LRP1B: variants seen among roughly 807,000 people sequenced by gnomAD.
LRP1B encodes the protein LDL receptor related protein 1B.
In LRP1B, 217 loss-of-function variants were observed where a neutral mutation model predicts 556.6. The ratio of observed to expected loss-of-function variants is 0.39; its 90% confidence interval spans 0.35 to 0.44. The LOEUF is 0.44. LRP1B is among the 20% of genes least tolerant of loss of function. The pLI, the probability that LRP1B is intolerant of heterozygous loss-of-function variation, is 1.00. For missense variants in LRP1B, 5,053 were observed against 5,620.8 expected, an observed-to-expected ratio of 0.90 and a Z score of 3.23; for synonymous variants, 2,047 against 1,865.8, an observed-to-expected ratio of 1.10 and a Z score of -2.50.
chr2:140,343,726 A>G (rs1681512776), intron 77 of LRP1B, among the ~76,000 whole-genome samples: 1 of 151,712 alleles, frequency 6.6e-6, no homozygotes, highest in Admixed American at 6.6e-5. Flanking sequence ...TAATCAAATG[A>G]TGGTATATCC....
chr2:141,550,797 T>C (rs986946661), intron 2 of LRP1B, among the ~76,000 whole-genome samples: 2 of 152,284 alleles, frequency 1.3e-5, no homozygotes, highest in South Asian at 4.1e-4. Context: ...AATGTTTTCC[T>C]GTATTCATCC....
intron 59 of LRP1B, among the ~76,000 whole-genome samples, chr2:140,478,228 C>A (rs1281576609): frequency 1.4e-5 from 2 of 147,466 alleles, no homozygotes; most frequent in Admixed American, 6.9e-5. Context: ...CGGCTCACTG[C>A]AGCCTCCGCC....
At chr2:140,420,529 T>C (rs1685391949) in intron 66 of LRP1B, among the ~76,000 whole-genome samples, 1 of 152,218 alleles carries the variant, frequency 6.6e-6, no homozygotes, top group African/African-American at 2.4e-5. Flanking sequence ...GTAAAGAAGT[T>C]ATATGTCCAT....
intron 82 of LRP1B, among the ~76,000 whole-genome samples, chr2:140,318,590 T>C (rs560651785): frequency 6.6e-6 from 1 of 152,254 alleles, no homozygotes; most frequent in Admixed American, 6.5e-5. Flanking sequence ...CAAGGTATTG[T>C]GCTAGCCCTT....
intron 3 of LRP1B, among the ~76,000 whole-genome samples, chr2:141,435,269 T>C (rs1559069154): frequency 2.6e-5 from 4 of 152,188 alleles, no homozygotes; most frequent in African/African-American, 9.6e-5. Context: ...TGGATCCAAG[T>C]GTGGCTTTGA....
intron 1 of LRP1B, among the ~76,000 whole-genome samples, chr2:141,907,286 C>T (rs1699782915): frequency 6.6e-6 from 1 of 151,604 alleles, no homozygotes; most frequent in South Asian, 2.1e-4. Flanking sequence ...GAACTCAATT[C>T]TCGGTGATGG....
intron 90 of LRP1B, among the ~76,000 whole-genome samples, chr2:140,234,293 C>G (rs1680600607): frequency 6.6e-6 from 1 of 151,224 alleles, no homozygotes; most frequent in Admixed American, 6.6e-5. Context: ...TTAGACAGAA[C>G]AGCTTTCTCT....
rs747178473 is a variant in LRP1B at position 140,598,708 on chromosome 2, G to A, written c.7117C>T (p.Arg2373Cys). The part of the protein sequence containing the change: ...LTPNGLTIDY[R>C]AEKLYFSDGS... ...TCTGAGAAATACAGCTTCTCTGCACGGTAGTCGATAGTAAGTCCATTTGGA... is the reference window on the plus strand; with the variant it reads ...TCTGAGAAATACAGCTTCTCTGCACAGTAGTCGATAGTAAGTCCATTTGGA... The change falls in exon 43 of 91, where the codon CGT (arginine) becomes TGT (cysteine). Residue 2373 changes from arginine (R) to cysteine (C), a missense_variant. Coordinates refer to ENST00000389484, the MANE Select transcript of LRP1B (RefSeq NM_018557.3). 20 of 1,613,684 alleles carry A rather than the reference G, an allele frequency of 1.2e-5. No individual in the cohort carries two copies. The highest frequency in any genetic ancestry group is 4.4e-5 in the South Asian group (4 of 91,078).
At chr2:141,554,298 TTATA>T (rs200507400) in intron 2 of LRP1B, among the ~76,000 whole-genome samples, 4,032 of 146,508 alleles carry the variant, frequency 0.028, 218 homozygotes, top group African/African-American at 0.092. Context: ...TAGATATAGA[TTATA>T]TATATCTATA....
intron 2 of LRP1B, among the ~76,000 whole-genome samples, chr2:141,619,740 T>C (rs1688435383): frequency 6.6e-6 from 1 of 152,116 alleles, no homozygotes; most frequent in Admixed American, 6.6e-5. Flanking sequence ...AGAGGATAGA[T>C]GATTGGATTC....
Position 140,325,958 on chromosome 2 carries a change from A to ATAAT in LRP1B, c.12224-84_12224-81dup, listed in dbSNP as rs1454386313. The ATAAT allele has an allele frequency of 4.7e-6, 4 of 853,794 alleles. No homozygotes were observed. The Admixed American group carries it at 7.5e-5, about 16-fold the overall frequency. The allele number at this position is 853,794 out of a possible 1,614,324, so 52.9% of individuals were successfully genotyped here. ...AAATCATACTTTTGCTTCTTATTGT[A>ATAAT]TAATTACACTTGACATTTGTCTTCA... On this transcript the variant is annotated intron_variant, in intron 79 of 90. Transcript: ENST00000389484.
At chr2:141,798,812 C>T (rs946381063) in intron 2 of LRP1B, among the ~76,000 whole-genome samples, 11 of 150,272 alleles carry the variant, frequency 7.3e-5, no homozygotes, top group Admixed American at 6.6e-4. Context: ...AAGTCCTAAA[C>T]TTCAGTACCT....
intron 41 of LRP1B, among the ~76,000 whole-genome samples, chr2:140,694,532 G>A (rs974651147): frequency 5.3e-5 from 8 of 152,004 alleles, no homozygotes; most frequent in Admixed American, 5.2e-4. Context: ...TACTTCAATT[G>A]CTGACTTAAT....
chr2:141,123,881 T>C (rs1701129481), intron 7 of LRP1B, among the ~76,000 whole-genome samples: 1 of 152,118 alleles, frequency 6.6e-6, no homozygotes, highest in Non-Finnish European at 1.5e-5. Flanking sequence ...ATAAAATAAA[T>C]GCATTTCCTA....
intron 2 of LRP1B, among the ~76,000 whole-genome samples, chr2:141,532,714 A>C (rs1684929160): frequency 1.3e-5 from 2 of 152,130 alleles, no homozygotes; most frequent in Non-Finnish European, 2.9e-5. Flanking sequence ...GGCTGGGTGC[A>C]GTGGCTCACA....
At chr2:140,811,140 A>G (rs903888702) in intron 32 of LRP1B, among the ~76,000 whole-genome samples, 7 of 152,134 alleles carry the variant, frequency 4.6e-5, no homozygotes, top group Middle Eastern at 3.2e-3. Context: ...ACAGCAATTT[A>G]CTTGTTAAGA....
intron 43 of LRP1B, among the ~76,000 whole-genome samples, chr2:140,556,449 G>T (rs549451298): frequency 1.3e-5 from 2 of 151,820 alleles, no homozygotes; most frequent in Non-Finnish European, 2.9e-5. Flanking sequence ...TAACCCACAC[G>T]GTCCTCCCAT....
In LRP1B at chr2:142,066,442, C is replaced by G. The variant is rs928583291; in HGVS notation, c.82+64206G>C. 3.3e-5 allele frequency among the ~76,000 whole-genome samples: 5 copies of G among 151,504 alleles called. No individual in the cohort carries two copies. The Admixed American group carries it at 3.3e-4, about 10-fold the overall frequency. On this transcript the variant is annotated intron_variant, in intron 1 of 90. Coordinates refer to ENST00000389484, the MANE Select transcript of LRP1B (RefSeq NM_018557.3). ...AGTTCTGCTCTCCTCATAATTGCAGCACACAATTCCTCTAAGTTTCTGCCA... is the reference window on the plus strand; with the variant it reads ...AGTTCTGCTCTCCTCATAATTGCAGGACACAATTCCTCTAAGTTTCTGCCA...
rs781753778 is a variant in LRP1B, at chr2:140,541,818, G to A, written c.7348C>T (p.Pro2450Ser). The A allele has an allele frequency of 6.8e-6, 11 of 1,612,266 alleles. No homozygotes were observed. The highest frequency in any genetic ancestry group is 9.3e-6 in the Non-Finnish European group (11 of 1,178,816). Residue 2450 changes from proline (P) to serine (S), a missense_variant, in exon 44 of 91, where the codon CCA becomes TCA. Pro to Ser is a moderately conservative substitution (Grantham distance 74). Transcript: ENST00000389484. Reference protein sequence around the residue: ...KILRSDIPHQPMGIIAVANDT... With the variant: ...KILRSDIPHQSMGIIAVANDT... ...TTGGCAACAGCTATGATTCCCATTG[G>A]CTGATGTGGAATATCGGAACGAAGA...
Sources: gnomAD v4.1 joint callset for allele counts (sites outside exome capture counted in the v4.1 genomes callset) on GRCh38, gnomAD v4.1.1 for gene constraint, MANE v1.5 for transcripts, NCBI Gene and HGNC (gene_info 2026-07-23, HGNC 2026-07-21) for gene names.